Variants in BNIPL observed in about 807,000 individuals in gnomAD.
BNIPL encodes the protein BCL2 interacting protein like.
BNIPL carries 33 observed loss-of-function variants against 47.0 expected under a neutral mutation model. The observed-to-expected ratio is 0.70, with a 90% CI of 0.53 to 0.94. The LOEUF is 0.94. Ranked by LOEUF, BNIPL falls within the 40% of genes least tolerant of loss-of-function variation. BNIPL has a pLI of 0.00. For synonymous variants in BNIPL, 145 were observed against 162.7 expected, an observed-to-expected ratio of 0.89 and a Z score of 0.83; for missense variants, 404 against 445.2, an observed-to-expected ratio of 0.91 and a Z score of 0.83.
intron 3 of BNIPL, 72 bp from the exon 4 acceptor site, chr1:151,038,724 A>T (rs1558098960): frequency 6.4e-7 from 1 of 1,550,978 alleles, no homozygotes; most frequent in Admixed American, 2.0e-5. Context: ...ACTTTCACAT[A>T]CAGGAATTCT....
Position 151,036,786 on chromosome 1 carries a change from A to G in BNIPL, c.41+20A>G, listed in dbSNP as rs988445550. ...TGTTGGGTAAGTAAGATCTTGGCTC[A>G]CTTGATTGGTAACAGTGAATAAACA... is the stretch of plus-strand genomic sequence containing the variant. On this transcript the variant is annotated intron_variant, in intron 1 of 9. Coordinates refer to ENST00000368931, the MANE Select transcript of BNIPL (RefSeq NM_138278.4). The G allele has an allele frequency of 1.9e-6, 3 of 1,596,828 alleles. No homozygotes were observed. In the African/African-American group the frequency reaches 4.0e-5, roughly 21 times the overall value.
chr1:151,040,950 G>A (rs1300614924), intron 4 of BNIPL, among the ~76,000 whole-genome samples: 4 of 152,142 alleles, frequency 2.6e-5, no homozygotes, highest in African/African-American at 9.7e-5. Flanking sequence ...GGAGGCTGAG[G>A]AGGGCAGATC....
At chr1:151,043,838 G>C (rs587718202) in intron 7 of BNIPL, 111 bp downstream of exon 7, 1 of 1,310,800 alleles carries the variant, frequency 7.6e-7, no homozygotes, top group East Asian at 2.4e-5. Context: ...GTCCTTTTAC[G>C]TTCCTTTCCC....
intron 3 of BNIPL, 57 bp downstream of exon 3, chr1:151,038,625 T>G: frequency 6.3e-7 from 1 of 1,598,846 alleles, no homozygotes; most frequent in Non-Finnish European, 8.6e-7. Context: ...TAAAGGGCTA[T>G]GCCACCTCTA....
chr1:151,041,184 C>CA (rs1011914993), intron 4 of BNIPL, among the ~76,000 whole-genome samples: 23 of 147,656 alleles, frequency 1.6e-4, no homozygotes, highest in African/African-American at 4.5e-4. Flanking sequence ...GACCCTGTCT[C>CA]AAAAAAAAAG....
chr1:151,043,536 T>A, intron 6 of BNIPL, 60 bp from the exon 7 acceptor site: 1 of 1,561,896 alleles, frequency 6.4e-7, no homozygotes, highest in South Asian at 1.1e-5. Context: ...TCTACAGTAA[T>A]GTTCCTCTCA....
chr1:151,037,715 G>A (rs1002492959), intron 2 of BNIPL, 53 bp downstream of exon 2: 91 of 1,465,782 alleles, frequency 6.2e-5, no homozygotes, highest in African/African-American at 8.4e-5. Context: ...ACGAATGGAC[G>A]GAGGGGATGG....
intron 7 of BNIPL, among the ~76,000 whole-genome samples, chr1:151,045,308 A>T (rs1675976787): frequency 6.8e-6 from 1 of 146,304 alleles, no homozygotes; most frequent in Non-Finnish European, 1.5e-5. Context: ...GCGATGGCTC[A>T]CACCTGTAAT....
chr1:151,043,036 G>A lies in BNIPL; in HGVS notation c.514G>A (p.Gly172Arg). ...LGRGCMWDVT[G>R]EDGHHWRVFR... ...CCGAGGTTGTATGTGGGATGTGACT[G>A]GAGAAGATGGACATCACTGGAGGGT... The change falls in exon 5 of 10, where the codon GGA (glycine) becomes AGA (arginine). Residue 172 changes from glycine (G) to arginine (R), a missense_variant. Coordinates refer to ENST00000368931, the MANE Select transcript of BNIPL (RefSeq NM_138278.4). The A allele has an allele frequency of 6.2e-7, 1 of 1,612,420 alleles. No homozygotes were observed.
Position 151,038,927 on chromosome 1 carries a change from C to T in BNIPL, c.334C>T (p.Pro112Ser), listed in dbSNP as rs1675726067. 1 of 1,614,040 alleles carries T rather than the reference C, an allele frequency of 6.2e-7. No individual in the cohort carries two copies. Among genetic ancestry groups the T allele is most frequent in the South Asian group, 1.1e-5 (1 of 91,066 alleles). Residue 112 changes from proline (P) to serine (S), a missense_variant, in exon 4 of 10, where the codon CCT becomes TCT. Physicochemically the swap from Pro to Ser is moderately conservative, Grantham distance 74 (BLOSUM62 -1). Coordinates refer to ENST00000368931, the MANE Select transcript of BNIPL (RefSeq NM_138278.4). ...NDGASPTQSA[P>S]SSPDGSSDLE... The stretch of plus-strand genomic sequence containing the variant: ...TGGAGCTTCACCCACCCAGTCTGCA[C>T]CTTCCTCTCCTGATGGCAGTTCTGA...
At chr1:151,038,394 A>C in intron 2 of BNIPL, 110 bp from the exon 3 acceptor site, 1 of 836,408 alleles carries the variant, frequency 1.2e-6, no homozygotes, top group Non-Finnish European at 2.0e-6. Flanking sequence ...TTAAAAAAAA[A>C]AGCAGCATAG....
intron 4 of BNIPL, among the ~76,000 whole-genome samples, chr1:151,042,728 C>T (rs587672129): frequency 1.3e-5 from 2 of 151,810 alleles, no homozygotes; most frequent in South Asian, 4.2e-4. Context: ...GCTAGAGAAT[C>T]GCTTGAGCCC....
chr1:151,042,995 C>A lies in BNIPL; in HGVS notation c.473C>A (p.Thr158Lys). Reference sequence around the variant, plus strand: ...GCAGAGGGTCTGGGCACCAGTGAGACAGCTGAAAGGCTGGGCCGAGGTTGT... The same window carrying A: ...GCAGAGGGTCTGGGCACCAGTGAGAAAGCTGAAAGGCTGGGCCGAGGTTGT... ...PRAEGLGTSE[T>K]AERLGRGCMW... Residue 158 changes from threonine to lysine, a missense_variant, in exon 5 of 10, where the codon ACA becomes AAA. Transcript: ENST00000368931. The A allele has an allele frequency of 6.2e-7, 1 of 1,606,486 alleles. No homozygotes were observed. The highest frequency in any genetic ancestry group is 8.5e-7 in the Non-Finnish European group (1 of 1,178,048).
Position 151,043,025 on chromosome 1 carries a change from G to C in BNIPL, c.503G>C (p.Trp168Ser), listed in dbSNP as rs1675884508. The change falls in exon 5 of 10, where the codon TGG becomes TCG. Residue 168 changes from tryptophan to serine, a missense_variant. Trp to Ser is a radical substitution (Grantham distance 177, BLOSUM62 -3). Transcript: ENST00000368931. ...TAERLGRGCM[W>S]DVTGEDGHHW... The stretch of plus-strand genomic sequence containing the variant: ...GAAAGGCTGGGCCGAGGTTGTATGT[G>C]GGATGTGACTGGAGAAGATGGACAT... 1 of 1,612,328 alleles carries C rather than the reference G, an allele frequency of 6.2e-7. No individual in the cohort carries two copies. Among genetic ancestry groups the C allele is most frequent in the Non-Finnish European group, 8.5e-7 (1 of 1,179,578 alleles).
intron 2 of BNIPL, chr1:151,038,302 A>G: frequency 1.7e-6 from 1 of 586,132 alleles, no homozygotes; most frequent in South Asian, 2.1e-5. Flanking sequence ...TGAACCCTGG[A>G]GGTAGAGGCT....
intron 7 of BNIPL, chr1:151,045,591 T>C: frequency 1.1e-6 from 1 of 917,350 alleles, no homozygotes; most frequent in Non-Finnish European, 1.5e-6. Flanking sequence ...CTTGAGAGTT[T>C]TTTTAAAAAT....
At chr1:151,043,569 AC>A in intron 6 of BNIPL, 26 bp from the exon 7 acceptor site, 2 of 1,602,034 alleles carry the variant, frequency 1.2e-6, no homozygotes, top group Non-Finnish European at 1.7e-6. Context: ...CCTAACACAT[AC>A]CTTCCCTGCA....
At chr1:151,041,692 G>A (rs587736246) in intron 4 of BNIPL, among the ~76,000 whole-genome samples, 1 of 152,336 alleles carries the variant, frequency 6.6e-6, no homozygotes, top group African/African-American at 2.4e-5. Flanking sequence ...CAGGAAATAT[G>A]GCTGGGCACG....
In BNIPL at chr1:151,038,848, GCGTC is replaced by G. The variant is rs1316413503; in HGVS notation, c.256_259del (p.Arg86PhefsTer8). The G allele has an allele frequency of 6.2e-7, 1 of 1,613,256 alleles. No homozygotes were observed. Among genetic ancestry groups the G allele is most frequent in the Non-Finnish European group, 8.5e-7 (1 of 1,179,608 alleles). ...TGTGTGGCCAGCGCCCCATGCGCAA[GCGTC>G]TTTCTGCCCCAGAGTTGCGGCTGAG... On this transcript the variant is annotated frameshift_variant, in exon 4 of 10. Coordinates refer to ENST00000368931, the MANE Select transcript of BNIPL (RefSeq NM_138278.4). LOFTEE classifies it high-confidence loss of function.
Sources: gnomAD v4.1 joint callset for allele counts (sites outside exome capture counted in the v4.1 genomes callset) on GRCh38, gnomAD v4.1.1 for gene constraint, MANE v1.5 for transcripts, NCBI Gene and HGNC (gene_info 2026-07-23, HGNC 2026-07-21) for gene names.